Variants in BABAM2 observed in about 807,000 individuals in gnomAD.
BABAM2 encodes BRISC and BRCA1 A complex member 2, also known as BRISC and BRCA1-A complex member 2.
In BABAM2, 31 loss-of-function variants were observed where a neutral mutation model predicts 54.7. The observed-to-expected ratio is 0.57, with a 90% CI of 0.43 to 0.77. The LOEUF (loss-of-function observed/expected upper bound fraction) is 0.77, where lower values mean the gene tolerates loss of function less well. BABAM2 is among the 30% of genes least tolerant of loss of function. The pLI, the probability that BABAM2 is intolerant of heterozygous loss-of-function variation, is 0.00. For synonymous variants in BABAM2, 167 were observed against 162.9 expected (o/e 1.03, Z -0.19); for missense variants, 364 against 455.8 (o/e 0.80, Z 1.83).
chr2:28,224,048 G>A (rs1455880625), intron 7 of BABAM2, among the ~76,000 whole-genome samples: 1 of 152,148 alleles, frequency 6.6e-6, no homozygotes, highest in Non-Finnish European at 1.5e-5. Context: ...TTGAAGAAGA[G>A]GCTATTTCCC....
At chr2:28,295,213 G>A (rs907003438) in intron 10 of BABAM2, among the ~76,000 whole-genome samples, 1 of 152,096 alleles carries the variant, frequency 6.6e-6, no homozygotes, top group Non-Finnish European at 1.5e-5. Flanking sequence ...TAATAAGAAC[G>A]AAAATAGAAG....
chr2:28,223,052 G>A (rs187035928), intron 7 of BABAM2, among the ~76,000 whole-genome samples: 17 of 152,318 alleles, frequency 1.1e-4, no homozygotes, highest in Non-Finnish European at 1.6e-4. Context: ...AGTAAAAGAT[G>A]CAGGTAAATA....
intron 6 of BABAM2, among the ~76,000 whole-genome samples, chr2:28,049,212 A>G (rs1303513160): frequency 6.6e-6 from 1 of 152,238 alleles, no homozygotes; most frequent in Non-Finnish European, 1.5e-5. Context: ...TCCTAGAGCT[A>G]GGAATCCCTT....
At chr2:28,161,682 G>T (rs1384133840) in intron 7 of BABAM2, among the ~76,000 whole-genome samples, 1 of 152,136 alleles carries the variant, frequency 6.6e-6, no homozygotes, top group Admixed American at 6.5e-5. Flanking sequence ...ATACAAAAGG[G>T]AGCGCAAATG....
chr2:28,126,818 T>C (rs1475930537), intron 6 of BABAM2, among the ~76,000 whole-genome samples: 3 of 150,788 alleles, frequency 2.0e-5, no homozygotes, highest in Non-Finnish European at 4.4e-5. Context: ...GTTTCCTGGC[T>C]TTTTAATGAT....
chr2:27,894,587 T>C lies in BABAM2; in HGVS notation c.31T>C (p.Ser11Pro). The change falls in exon 2 of 12, where the codon TCT becomes CCT. Residue 11 changes from serine to proline, a missense_variant. Transcript: ENST00000379624. The stretch of plus-strand genomic sequence containing the variant: ...CCCAGAAGTGGCCTTGAACCGAATA[T>C]CTCCAATGCTCTCCCCTTTCATATC... Reference protein sequence around the residue: MSPEVALNRISPMLSPFISSV... With the variant: MSPEVALNRIPPMLSPFISSV... 6.2e-7 allele frequency: 1 copy of C among 1,613,996 alleles called. No homozygotes were observed. Among genetic ancestry groups the C allele is most frequent in the Non-Finnish European group, 8.5e-7 (1 of 1,179,890 alleles).
intron 7 of BABAM2, among the ~76,000 whole-genome samples, chr2:28,227,747 A>G (rs1681022723): frequency 6.6e-6 from 1 of 152,086 alleles, no homozygotes; most frequent in African/African-American, 2.4e-5. Context: ...GCATCATTGC[A>G]TGAGGTCTAG....
intron 6 of BABAM2, among the ~76,000 whole-genome samples, chr2:28,067,605 TGGA>T (rs754115015): frequency 4.8e-4 from 73 of 152,332 alleles, no homozygotes; most frequent in Non-Finnish European, 7.4e-4. Flanking sequence ...TTGTTGAGTG[TGGA>T]ATGCCAGATT....
At chr2:27,951,364 A>T (rs1669706519) in intron 3 of BABAM2, among the ~76,000 whole-genome samples, 1 of 152,040 alleles carries the variant, frequency 6.6e-6, no homozygotes, top group African/African-American at 2.4e-5. Context: ...ACATGTTCTG[A>T]ATTTCCCTTA....
intron 7 of BABAM2, among the ~76,000 whole-genome samples, chr2:28,207,394 G>C (rs6752870): frequency 6.6e-6 from 1 of 151,194 alleles, no homozygotes; most frequent in African/African-American, 2.4e-5. Flanking sequence ...AACAGCAGCA[G>C]CAACAACAAC....
chr2:28,119,140 T>C (rs1315337111), intron 6 of BABAM2, among the ~76,000 whole-genome samples: 2 of 152,234 alleles, frequency 1.3e-5, no homozygotes, highest in African/African-American at 2.4e-5. Context: ...GTAGTATAGG[T>C]TGGAGTCACG....
chr2:27,946,735 G>T (rs938473470), intron 3 of BABAM2, among the ~76,000 whole-genome samples: 1 of 152,052 alleles, frequency 6.6e-6, no homozygotes, highest in Non-Finnish European at 1.5e-5. Flanking sequence ...GAGAGTGAGC[G>T]AGAGGGAAGG....
intron 11 of BABAM2, among the ~76,000 whole-genome samples, chr2:28,317,373 G>A (rs150462438): frequency 6.6e-6 from 1 of 152,334 alleles, no homozygotes; most frequent in East Asian, 1.9e-4. Flanking sequence ...TTGGGCTTAA[G>A]AGTGACTTTG....
At chr2:28,237,862 A>AT (rs1014505961) in intron 8 of BABAM2, among the ~76,000 whole-genome samples, 9 of 150,848 alleles carry the variant, frequency 6.0e-5, no homozygotes, top group East Asian at 5.9e-4. Flanking sequence ...TTTTATTTTT[A>AT]TTTTTTTTGA....
At chr2:28,096,495 G>A (rs114238299) in intron 6 of BABAM2, among the ~76,000 whole-genome samples, 1 of 152,174 alleles carries the variant, frequency 6.6e-6, no homozygotes, top group African/African-American at 2.4e-5. Flanking sequence ...CTAGGCTTTG[G>A]TGTGAGCATG....
At chr2:28,032,631 A>C (rs1326743658) in intron 5 of BABAM2, among the ~76,000 whole-genome samples, 1 of 152,034 alleles carries the variant, frequency 6.6e-6, no homozygotes, top group Non-Finnish European at 1.5e-5. Flanking sequence ...TGCTGGTTTT[A>C]TAATGTTTAA....
At chr2:28,214,027 T>C (rs1679712056) in intron 7 of BABAM2, among the ~76,000 whole-genome samples, 1 of 152,126 alleles carries the variant, frequency 6.6e-6, no homozygotes, top group Admixed American at 6.6e-5. Context: ...TATGCATCCT[T>C]CATCTGGCTC....
chr2:27,949,576 C>T (rs1202569320), intron 3 of BABAM2, among the ~76,000 whole-genome samples: 1 of 151,696 alleles, frequency 6.6e-6, no homozygotes, highest in African/African-American at 2.4e-5. Context: ...GACAGGGCAT[C>T]CAGTGAATTC....
intron 6 of BABAM2, among the ~76,000 whole-genome samples, chr2:28,122,894 C>A (rs529043957): frequency 6.6e-6 from 1 of 152,094 alleles, no homozygotes; most frequent in South Asian, 2.1e-4. Context: ...ATAGGTGTAT[C>A]CTTGGCGATA....
Sources: allele counts gnomAD v4.1 joint callset (sites outside exome capture counted in the v4.1 genomes callset), GRCh38; gene constraint gnomAD v4.1.1; transcripts MANE v1.5; gene names NCBI Gene and HGNC (gene_info 2026-07-23, HGNC 2026-07-21).